Variants in NOL4 observed in about 807,000 individuals in gnomAD.
NOL4 encodes cancer/testis antigen 125.
A neutral mutation model predicts 75.9 loss-of-function variants in NOL4; 17 were observed. That is an observed-to-expected ratio of 0.22 (90% CI 0.15 to 0.34). NOL4 has a LOEUF of 0.34. Among genes scored for constraint, NOL4 ranks in the 10% least tolerant of loss-of-function variants. The pLI is 1.00. For synonymous variants in NOL4, 292 were observed against 289.9 expected (o/e 1.01, Z -0.07); for missense variants, 614 against 793.5 (o/e 0.77, Z 2.72).
At chr18:34,220,514 G>T (rs1269586964) in intron 1 of NOL4, among the ~76,000 whole-genome samples, 1 of 152,022 alleles carries the variant, frequency 6.6e-6, no homozygotes, top group Admixed American at 6.6e-5. Flanking sequence ...TGTCTTCTTG[G>T]TGACTGTACT....
At chr18:33,875,339 C>T (rs953692224) in intron 10 of NOL4, among the ~76,000 whole-genome samples, 1 of 151,940 alleles carries the variant, frequency 6.6e-6, no homozygotes, top group Non-Finnish European at 1.5e-5. Flanking sequence ...ATTCTTTATA[C>T]AGATTGTAAC....
chr18:34,172,351 T>C (rs2033125308), intron 1 of NOL4, among the ~76,000 whole-genome samples: 1 of 152,050 alleles, frequency 6.6e-6, no homozygotes, highest in African/African-American at 2.4e-5. Context: ...TAAATTAAAA[T>C]TGTATTATTT....
At chr18:33,885,982 T>G (rs899848741) in intron 9 of NOL4, among the ~76,000 whole-genome samples, 1 of 152,144 alleles carries the variant, frequency 6.6e-6, no homozygotes, top group Non-Finnish European at 1.5e-5. Context: ...GGAGTGCTAT[T>G]TGGCCATAAA....
At chr18:34,193,765 G>GA (rs1283352459) in intron 1 of NOL4, among the ~76,000 whole-genome samples, 2 of 152,032 alleles carry the variant, frequency 1.3e-5, no homozygotes, top group African/African-American at 4.8e-5. Context: ...TCATAATGTT[G>GA]AAAAAATATC....
At chr18:34,080,090 G>GCCTT (rs1442510621) in intron 5 of NOL4, among the ~76,000 whole-genome samples, 6 of 152,158 alleles carry the variant, frequency 3.9e-5, no homozygotes, top group African/African-American at 1.4e-4. Context: ...AAGGCACGAG[G>GCCTT]CCTTGACACA....
At chr18:33,920,184 A>AG (rs2066948472) in intron 9 of NOL4, among the ~76,000 whole-genome samples, 1 of 152,208 alleles carries the variant, frequency 6.6e-6, no homozygotes, top group East Asian at 1.9e-4. Context: ...GGAAGGAGAG[A>AG]GGGAAGATGA....
Position 34,176,416 on chromosome 18 carries a change from C to A in NOL4, c.265-46396G>T, listed in dbSNP as rs184650588. Among the ~76,000 whole-genome samples the A allele has an allele frequency of 7.9e-5, 12 of 152,084 alleles. 1 individual carries two copies. In the East Asian group the frequency reaches 2.3e-3, roughly 29 times the overall value. On this transcript the variant is annotated intron_variant, in intron 1 of 10. Transcript: ENST00000261592. ...AAATAATAACAGAAGAAAAACTTCC[C>A]AAATTTGATGAACATTAATTTACAC...
intron 4 of NOL4, among the ~76,000 whole-genome samples, chr18:34,099,362 C>CAAAAGAAAAAAAAAAAAAAAA (rs2078935916): frequency 1.2e-5 from 1 of 80,092 alleles, no homozygotes; most frequent in Non-Finnish European, 2.4e-5. Context: ...GACTTTGTCT[C>CAAAAGAAAAAAAAAAAAAAAA]AAAAAAAAAA....
chr18:33,953,865 A>G (rs1004725014), intron 8 of NOL4, among the ~76,000 whole-genome samples: 3 of 152,226 alleles, frequency 2.0e-5, no homozygotes, highest in Admixed American at 2.0e-4. Context: ...GATATACAGT[A>G]CGTGGCTAAA....
In NOL4 at chr18:33,981,419, G is replaced by C. The variant is rs184602149; in HGVS notation, c.1057-23001C>G. 2.0e-4 allele frequency among the ~76,000 whole-genome samples: 30 copies of C among 151,768 alleles called. 1 individual carries two copies. In the East Asian group the frequency reaches 5.4e-3, roughly 27 times the overall value. ...CAAACTACAGAAAATTAATGATAAA[G>C]AAAAATCTTGAAAGAAGCCAGAAAA... On this transcript the variant is annotated intron_variant, in intron 6 of 10. Coordinates refer to ENST00000261592, the MANE Select transcript of NOL4 (RefSeq NM_003787.5).
intron 9 of NOL4, among the ~76,000 whole-genome samples, chr18:33,890,586 T>C (rs1198437566): frequency 6.6e-6 from 1 of 152,086 alleles, no homozygotes; most frequent in Non-Finnish European, 1.5e-5. Context: ...TAAAAAATGA[T>C]ATTGGGCCAG....
At chr18:34,023,045 G>A (rs1018063485) in intron 5 of NOL4, among the ~76,000 whole-genome samples, 20 of 151,892 alleles carry the variant, frequency 1.3e-4, no homozygotes, top group Admixed American at 7.2e-4. Context: ...ATTCAACAGC[G>A]TTACATATTT....
At chr18:33,928,698 T>A (rs987139700) in intron 9 of NOL4, among the ~76,000 whole-genome samples, 66 of 152,260 alleles carry the variant, frequency 4.3e-4, no homozygotes, top group African/African-American at 8.9e-4. Context: ...AAGTTTTTTT[T>A]AAAAAATGCA....
At chr18:33,941,589 C>CT in intron 9 of NOL4, among the ~76,000 whole-genome samples, 1 of 151,956 alleles carries the variant, frequency 6.6e-6, no homozygotes, top group Admixed American at 6.6e-5. Context: ...TTTATTGATG[C>CT]TTACTATGCA....
At chr18:33,858,493 G>C in intron 10 of NOL4, among the ~76,000 whole-genome samples, 1 of 151,784 alleles carries the variant, frequency 6.6e-6, no homozygotes, top group African/African-American at 2.4e-5. Context: ...TATTCTATAA[G>C]TGGTAATTTC....
At chr18:34,053,312 A>C (rs1003444476) in intron 5 of NOL4, among the ~76,000 whole-genome samples, 6 of 151,856 alleles carry the variant, frequency 4.0e-5, no homozygotes, top group African/African-American at 1.4e-4. Flanking sequence ...AAACTGTTGA[A>C]AAAAAAATAC....
intron 1 of NOL4, among the ~76,000 whole-genome samples, chr18:34,165,256 T>C (rs950257567): frequency 6.6e-6 from 1 of 151,468 alleles, no homozygotes; most frequent in Non-Finnish European, 1.5e-5. Flanking sequence ...TAAAATAAAA[T>C]AAAATAAAGA....
At chr18:34,008,760 G>C (rs150371570) in intron 6 of NOL4, among the ~76,000 whole-genome samples, 1 of 151,858 alleles carries the variant, frequency 6.6e-6, no homozygotes, top group African/African-American at 2.4e-5. Context: ...CATCAGAGAG[G>C]TAAAATTGCC....
intron 9 of NOL4, among the ~76,000 whole-genome samples, chr18:33,914,423 T>G (rs1013565738): frequency 1.3e-5 from 2 of 152,096 alleles, no homozygotes; most frequent in African/African-American, 4.8e-5. Context: ...AGTAAAGACT[T>G]TGGTGCTCTC....
Sources: gnomAD v4.1 joint callset for allele counts (sites outside exome capture counted in the v4.1 genomes callset) on GRCh38, gnomAD v4.1.1 for gene constraint, MANE v1.5 for transcripts, NCBI Gene and HGNC (gene_info 2026-07-23, HGNC 2026-07-21) for gene names.